GOLGA6L2: variants seen among roughly 807,000 people sequenced by gnomAD.
GOLGA6L2 encodes golgin A6 family like 2, also known as golgin subfamily A member 6-like protein 2.
A neutral mutation model predicts 35.9 loss-of-function variants in GOLGA6L2; 30 were observed. The observed-to-expected ratio is 0.83, with a 90% CI of 0.62 to 1.13. The LOEUF (loss-of-function observed/expected upper bound fraction) is 1.13. GOLGA6L2 is among the 50% of genes most tolerant of loss of function. The pLI, the probability that GOLGA6L2 is intolerant of heterozygous loss-of-function variation, is 0.00. For missense variants in GOLGA6L2, 821 were observed against 973.4 expected, an observed-to-expected ratio of 0.84 and a Z score of 2.08; for synonymous variants, 297 against 344.0, an observed-to-expected ratio of 0.86 and a Z score of 1.51.
At chr15:23,444,256 G>T in intron 3 of GOLGA6L2, 44 bp from the exon 4 acceptor site, 1 of 1,587,632 alleles carries the variant, frequency 6.3e-7, no homozygotes, top group African/African-American at 1.3e-5. Flanking sequence ...GGGAGGCAGA[G>T]ATCCACAGCA....
rs559930407 is a variant in GOLGA6L2 at position 23,441,690 on chromosome 15, G to C, written c.793-8C>G. ...CAAAGTGTTGGTTTGAACCTCAAAA[G>C]GAAATAGACTTATGAACTAGCTATA... On this transcript the variant is annotated splice_region_variant and splice_polypyrimidine_tract_variant and intron_variant, in intron 7 of 7. Coordinates refer to ENST00000567107, the MANE Select transcript of GOLGA6L2 (RefSeq NM_001304388.2). 2 of 1,483,486 alleles carry C rather than the reference G, an allele frequency of 1.3e-6. No homozygotes were observed. The highest frequency in any genetic ancestry group is 2.6e-5 in the Admixed American group (1 of 38,802). 91.9% of individuals were successfully genotyped at this position (1,483,486 alleles called of 1,614,324 possible).
At chr15:23,442,426 C>T (rs1226716363) in intron 6 of GOLGA6L2, 24 bp downstream of exon 6, 11 of 1,592,578 alleles carry the variant, frequency 6.9e-6, no homozygotes, top group Non-Finnish European at 9.4e-6. Context: ...CCCAGACCTC[C>T]CATCCCACCT....
Position 23,441,122 on chromosome 15 carries a change from C to A in GOLGA6L2, c.1353G>T (p.Arg451Ser). ...DQEEKMQEEE[R>S]IREREKKMRE... ...GCATCTTCTTCTCCCGCTCCCGTATCCTCTCCTCCTCTTGCATCTTCTCCT... is the reference window on the plus strand; with the variant it reads ...GCATCTTCTTCTCCCGCTCCCGTATACTCTCCTCCTCTTGCATCTTCTCCT... Residue 451 changes from arginine to serine, a missense_variant, in exon 8 of 8, where the codon AGG (arginine) becomes AGT (serine). Physicochemically the swap from Arg to Ser is moderately radical, Grantham distance 110 (BLOSUM62 -1). Transcript: ENST00000567107. 2 of 1,530,240 alleles carry A rather than the reference C, an allele frequency of 1.3e-6. No individual in the cohort carries two copies. Among genetic ancestry groups the A allele is most frequent in the Admixed American group, 4.0e-5 (2 of 50,230 alleles). 94.8% of individuals were successfully genotyped at this position (1,530,240 alleles called of 1,614,324 possible). A position where few individuals can be genotyped will look rare whatever the true frequency, so the allele number is the denominator to read the frequency against.
chr15:23,442,824 C>T (rs557743321), intron 5 of GOLGA6L2, among the ~76,000 whole-genome samples: 8 of 152,218 alleles, frequency 5.3e-5, no homozygotes, highest in Admixed American at 1.3e-4. Flanking sequence ...GGATTACAGG[C>T]ATGCGCTACC....
In GOLGA6L2 at chr15:23,443,873, C is replaced by T. The variant is rs778143697; in HGVS notation, c.495G>A (p.Lys165=). ...VSTSLIPGES[K]DLAGRLHHSW... ...AATGATGCAAGCGGCCGGCGAGATC[C>T]TTGGACTCTCCTGGAATGAGAGAGG... The change falls in exon 5 of 8, where the codon AAG becomes AAA. Residue 165 remains lysine, a synonymous_variant. Transcript: ENST00000567107. 152 of 1,542,262 alleles carry T rather than the reference C, an allele frequency of 9.9e-5. No individual in the cohort carries two copies. Among genetic ancestry groups the T allele is most frequent in the Non-Finnish European group, 1.3e-4 (146 of 1,150,476 alleles).
At position 23,444,042 on chromosome 15, in the gene GOLGA6L2, C is replaced by T. The variant is rs760514942; in HGVS notation, c.326G>A (p.Cys109Tyr). ...CGCTGTCTCCAGTTCAGTTTTCTGA[C>T]ACGTGAGAATTCGTATTGTATGATC... ...AQDHTIRILT[C>Y]QKTELETALY... The change falls in exon 5 of 8, where the codon TGT (cysteine) becomes TAT (tyrosine). Residue 109 changes from cysteine (C) to tyrosine (Y), a missense_variant. Around this residue, in one of 7 missense-constraint regions of GOLGA6L2, gnomAD observed 614 missense variants for 632.3 expected, o/e 0.97. Transcript: ENST00000567107. 1.2e-5 allele frequency: 19 copies of T among 1,556,562 alleles called. No homozygotes were observed. The highest frequency in any genetic ancestry group is 4.1e-5 in the African/African-American group (3 of 73,670).
chr15:23,441,387 T>A lies in GOLGA6L2; in HGVS notation c.1088A>T (p.Lys363Met), dbSNP rs775367714. 6 of 1,537,312 alleles carry A rather than the reference T, an allele frequency of 3.9e-6. No individual in the cohort carries two copies. The South Asian group carries it at 7.2e-5, about 18-fold the overall frequency. ...CATCTTCTCTTCCTGCTCCCGCATCTTCTCCTCCTGCTCCCACATCTTCTC... is the reference window on the plus strand; with the variant it reads ...CATCTTCTCTTCCTGCTCCCGCATCATCTCCTCCTGCTCCCACATCTTCTC... Reference protein sequence around the residue: ...QEEKMWEQEEKMREQEEKMWR... With the variant: ...QEEKMWEQEEMMREQEEKMWR... The change falls in exon 8 of 8, where the codon AAG becomes ATG. Residue 363 changes from lysine to methionine, a missense_variant. This residue lies in a region of GOLGA6L2 where 614 missense variants were observed against 632.3 expected (regional missense o/e 0.97). Coordinates refer to ENST00000567107, the MANE Select transcript of GOLGA6L2 (RefSeq NM_001304388.2).
Position 23,439,761 on chromosome 15 carries a change from A to G in GOLGA6L2, c.2714T>C (p.Leu905Pro). The G allele has an allele frequency of 6.5e-7, 1 of 1,535,586 alleles. No homozygotes were observed. The change falls in exon 8 of 8, where the codon CTC (leucine) becomes CCC (proline). Residue 905 changes from leucine to proline, a missense_variant. Around this residue, in one of 7 missense-constraint regions of GOLGA6L2, gnomAD observed 48 missense variants for 42.7 expected, o/e 1.12. Coordinates refer to ENST00000567107, the MANE Select transcript of GOLGA6L2 (RefSeq NM_001304388.2). ...GAVLRALPPS[L>P]QSSL ...TGGCTCATATTACAAAGAACTTTGG[A>G]GGGAGGGAGGCAGGGCTCTGAGCAC...
rs917581678 is a variant in GOLGA6L2, at chr15:23,441,501, T to C, written c.974A>G (p.Glu325Gly). 2.1e-6 allele frequency: 3 copies of C among 1,402,118 alleles called. No homozygotes were observed. In the African/African-American group the frequency reaches 4.3e-5, roughly 20 times the overall value. 86.9% of individuals were successfully genotyped at this position (1,402,118 alleles called of 1,614,324 possible). A position where few individuals can be genotyped will look rare whatever the true frequency, so the allele number is the denominator to read the frequency against. ...KMRRQEKRLREQEKELREQEK... is the reference protein window; with the variant it reads ...KMRRQEKRLRGQEKELREQEK... ...CTGCTCCCGCAGCTCCTTCTCCTGC[T>C]CTCGCAGCCTCTTCTCCTGTCTCCG... The change falls in exon 8 of 8, where the codon GAG becomes GGG. Residue 325 changes from glutamate to glycine, a missense_variant. This residue lies in a region of GOLGA6L2 where 614 missense variants were observed against 632.3 expected (regional missense o/e 0.97). Transcript: ENST00000567107.
rs1387939721 is a variant in GOLGA6L2 at position 23,441,484 on chromosome 15, G to A, written c.991C>T (p.Arg331Trp). Reference protein sequence around the residue: ...KRLREQEKELREQEKELREQK... With the variant: ...KRLREQEKELWEQEKELREQK... Reference sequence around the variant, plus strand: ...TCCCGCAGCTCCTTCTCCTGCTCCCGCAGCTCCTTCTCCTGCTCTCGCAGC... The same window carrying A: ...TCCCGCAGCTCCTTCTCCTGCTCCCACAGCTCCTTCTCCTGCTCTCGCAGC... Residue 331 changes from arginine to tryptophan, a missense_variant, in exon 8 of 8, where the codon CGG becomes TGG. Arg to Trp is a moderately radical substitution (Grantham distance 101). Transcript: ENST00000567107. The A allele has an allele frequency of 1.1e-5, 15 of 1,396,128 alleles. No homozygotes were observed. Among genetic ancestry groups the A allele is most frequent in the South Asian group, 1.3e-5 (1 of 75,314 alleles). 86.5% of individuals were successfully genotyped at this position (1,396,128 alleles called of 1,614,324 possible). A position where few individuals can be genotyped will look rare whatever the true frequency, so the allele number is the denominator to read the frequency against.
chr15:23,446,929 G>C (rs1341741346), intron 1 of GOLGA6L2, among the ~76,000 whole-genome samples, 169 bp downstream of exon 1: 1 of 151,992 alleles, frequency 6.6e-6, no homozygotes, highest in Non-Finnish European at 1.5e-5. Flanking sequence ...CAGGACTGCT[G>C]AGGGGGTGGG....
Position 23,443,770 on chromosome 15 carries a change from G to A in GOLGA6L2, c.591+7C>T. ...TCCCAGGAGACTGGGGAGGTGATTG[G>A]ACTTACCCTGTCTGCCTTCTTGTGC... On this transcript the variant is annotated splice_region_variant and intron_variant, in intron 5 of 7. Coordinates refer to ENST00000567107, the MANE Select transcript of GOLGA6L2 (RefSeq NM_001304388.2). 1 of 1,534,522 alleles carries A rather than the reference G, an allele frequency of 6.5e-7. No individual in the cohort carries two copies. Among genetic ancestry groups the A allele is most frequent in the Non-Finnish European group, 8.7e-7 (1 of 1,145,352 alleles).
chr15:23,442,671 CTTTT>C (rs72495057), intron 5 of GOLGA6L2, among the ~76,000 whole-genome samples, 163 bp from the exon 6 acceptor site: 3 of 150,574 alleles, frequency 2.0e-5, no homozygotes, highest in African/African-American at 7.3e-5. Context: ...ATTTTTTTTT[CTTTT>C]TTTTTTTCTC....
At chr15:23,444,360 T>G in intron 3 of GOLGA6L2, 111 bp downstream of exon 3, 2 of 1,491,710 alleles carry the variant, frequency 1.3e-6, no homozygotes, top group Non-Finnish European at 1.8e-6. Context: ...GGTGGAATCT[T>G]GGCGGTGAGC....
chr15:23,445,786 A>T (rs1038536268), intron 1 of GOLGA6L2, among the ~76,000 whole-genome samples: 2 of 152,164 alleles, frequency 1.3e-5, no homozygotes, highest in Admixed American at 6.5e-5. Context: ...TAGTGTGAAG[A>T]AGTGCACCAC....
intron 5 of GOLGA6L2, 65 bp from the exon 6 acceptor site, chr15:23,442,573 A>G (rs1236438279): frequency 2.5e-5 from 36 of 1,454,256 alleles, no homozygotes; most frequent in Non-Finnish European, 3.1e-5. Flanking sequence ...GACCAGGAAC[A>G]ACAGCTACAC....
intron 7 of GOLGA6L2, 71 bp from the exon 8 acceptor site, chr15:23,441,753 T>A: frequency 7.0e-7 from 1 of 1,425,000 alleles, no homozygotes; most frequent in Non-Finnish European, 9.2e-7. Flanking sequence ...TCATCTATGA[T>A]TCTTTAAAAA....
chr15:23,444,076 T>G lies in GOLGA6L2; in HGVS notation c.295-3A>C, dbSNP rs756612386. On this transcript the variant is annotated splice_polypyrimidine_tract_variant and splice_region_variant and intron_variant, in intron 4 of 7. Coordinates refer to ENST00000567107, the MANE Select transcript of GOLGA6L2 (RefSeq NM_001304388.2). ...ATTCGTATTGTATGATCCTGGGCCT[T>G]TGGGAGAAAAGACAAGCAAGTGCTG... 7.0e-6 allele frequency: 11 copies of G among 1,571,512 alleles called. No homozygotes were observed. The Admixed American group carries it at 1.1e-4, about 16-fold the overall frequency.
chr15:23,441,525 C>T lies in GOLGA6L2; in HGVS notation c.950G>A (p.Arg317Gln), dbSNP rs949080589. 19 of 1,363,456 alleles carry T rather than the reference C, an allele frequency of 1.4e-5. No individual in the cohort carries two copies. The African/African-American group carries it at 1.8e-4, about 13-fold the overall frequency. 84.5% of individuals were successfully genotyped at this position (1,363,456 alleles called of 1,614,324 possible). ...CTCTCGCAGCCTCTTCTCCTGTCTCCGCATCTTCTCCTCCTGCTCCCGCAT... is the reference window on the plus strand; with the variant it reads ...CTCTCGCAGCCTCTTCTCCTGTCTCTGCATCTTCTCCTCCTGCTCCCGCAT... Reference protein sequence around the residue: ...GKMREQEEKMRRQEKRLREQE... With the variant: ...GKMREQEEKMQRQEKRLREQE... Residue 317 changes from arginine (R) to glutamine (Q), a missense_variant, in exon 8 of 8, where the codon CGG becomes CAG. Transcript: ENST00000567107.
Sources: allele counts gnomAD v4.1 joint callset (sites outside exome capture counted in the v4.1 genomes callset), GRCh38; gene constraint gnomAD v4.1.1; regional missense constraint gnomAD v4.1.1; transcripts MANE v1.5; gene names NCBI Gene and HGNC (gene_info 2026-07-23, HGNC 2026-07-21).